Variants in NOX4 observed in about 807,000 individuals in gnomAD.
NOX4 encodes kidney oxidase-1.
In NOX4, 69 loss-of-function variants were observed where a neutral mutation model predicts 87.6. The ratio of observed to expected loss-of-function variants is 0.79; its 90% CI spans 0.65 to 0.96. NOX4 has a LOEUF of 0.96. NOX4 is among the 40% of genes least tolerant of loss of function. The pLI is 0.00. For synonymous variants in NOX4, 275 were observed against 238.2 expected, an observed-to-expected ratio of 1.15 and a Z score of -1.42; for missense variants, 680 against 681.5, an observed-to-expected ratio of 1.00 and a Z score of 0.02.
the NOX4 span, among the ~76,000 whole-genome samples, chr11:89,569,033 A>T: frequency 6.6e-6 from 1 of 152,204 alleles, no homozygotes; most frequent in Non-Finnish European, 1.5e-5. Context: ...AGACTTAATG[A>T]GTTAAATGAA....
chr11:89,471,726 TTTTGTTTGTTTG>T (rs201346245), intron 2 of NOX4, among the ~76,000 whole-genome samples: 2 of 152,014 alleles, frequency 1.3e-5, no homozygotes, highest in African/African-American at 2.4e-5. Context: ...TTTTGATTGT[TTTTGTTTGTTTG>T]TTTGTTTGTT....
intron 2 of NOX4, among the ~76,000 whole-genome samples, chr11:89,482,670 G>A (rs1447984203): frequency 6.6e-6 from 1 of 151,972 alleles, no homozygotes; most frequent in Non-Finnish European, 1.5e-5. Flanking sequence ...GGCAGCCCTA[G>A]CAAACTAACA....
At chr11:89,391,739 C>CA (rs11419337) in intron 11 of NOX4, among the ~76,000 whole-genome samples, 47,830 of 96,820 alleles carry the variant, frequency 0.49, 10,389 homozygotes, top group African/African-American at 0.59. Flanking sequence ...GACCTTGTCT[C>CA]AAAAAAAAAA....
At chr11:89,480,738 C>T (rs1946361754) in intron 2 of NOX4, among the ~76,000 whole-genome samples, 1 of 152,000 alleles carries the variant, frequency 6.6e-6, no homozygotes, top group African/African-American at 2.4e-5. Flanking sequence ...GGCACAATGT[C>T]AGGCCCATGA....
Position 89,325,115 on chromosome 11 carries a change from C to CTTTTTTTTTTTTTTTTTTTTTTTT in NOX4, c.*1617_*1640dup, listed in dbSNP as rs141198784. The CTTTTTTTTTTTTTTTTTTTTTTTT allele has an allele frequency of 3.9e-5, 3 of 76,332 alleles. 1 individual carries two copies. Among genetic ancestry groups the CTTTTTTTTTTTTTTTTTTTTTTTT allele is most frequent in the African/African-American group, 1.7e-4 (3 of 17,702 alleles). The allele number at this position is 76,332 out of a possible 1,614,324, so 4.7% of individuals were successfully genotyped here. On this transcript the variant is annotated 3_prime_UTR_variant, in exon 18 of 18. Coordinates refer to ENST00000263317, the MANE Select transcript of NOX4 (RefSeq NM_016931.5). ...ACTAAACTGTATGAATGCTTTAATT[C>CTTTTTTTTTTTTTTTTTTTTTTTT]TTTTTTTTTTTTTTTTTTTTTTTTT...
Position 89,490,506 on chromosome 11 carries a change from CAAG to C in NOX4, c.102_104del (p.Phe34del). 1 of 1,614,014 alleles carries C rather than the reference CAAG, an allele frequency of 6.2e-7. No individual in the cohort carries two copies. The highest frequency in any genetic ancestry group is 1.3e-5 in the African/African-American group (1 of 75,004). On this transcript the variant is annotated inframe_deletion, in exon 2 of 18. Transcript: ENST00000263317. The stretch of plus-strand genomic sequence containing the variant: ...GATACTCTGGCCCTTGGTTATACAG[CAAG>C]AAGGTTTTCCAGAAAAGCAGGACAT...
intron 8 of NOX4, among the ~76,000 whole-genome samples, chr11:89,414,616 T>TAAA (rs1942663116): frequency 7.2e-6 from 1 of 138,292 alleles, no homozygotes; most frequent in African/African-American, 2.8e-5. Flanking sequence ...ATCACATTTT[T>TAAA]TTTATTTTAT....
chr11:89,465,021 G>C (rs1205971391), intron 2 of NOX4, among the ~76,000 whole-genome samples: 1 of 152,022 alleles, frequency 6.6e-6, no homozygotes, highest in African/African-American at 2.4e-5. Context: ...TTAAGTTCTG[G>C]GCTACATGTG....
chr11:89,584,009 C>T, the NOX4 span, among the ~76,000 whole-genome samples: 1 of 151,990 alleles, frequency 6.6e-6, no homozygotes, highest in Admixed American at 6.6e-5. Flanking sequence ...GAAAAATTAC[C>T]TGACTTTCAC....
At chr11:89,345,315 G>T (rs2134929279) in intron 13 of NOX4, among the ~76,000 whole-genome samples, 1 of 152,276 alleles carries the variant, frequency 6.6e-6, no homozygotes, top group East Asian at 1.9e-4. Context: ...TTTACAGAGG[G>T]TCCCCAACTT....
At chr11:89,437,888 T>C (rs1373265240) in intron 6 of NOX4, among the ~76,000 whole-genome samples, 5 of 152,090 alleles carry the variant, frequency 3.3e-5, no homozygotes, top group Non-Finnish European at 7.4e-5. Context: ...TCACATACTT[T>C]AAATTATCTC....
chr11:89,566,058 T>G, the NOX4 span, among the ~76,000 whole-genome samples: 3 of 151,000 alleles, frequency 2.0e-5, no homozygotes, highest in South Asian at 6.3e-4. Context: ...TTTTTTTTTT[T>G]TTGAGACAGA....
chr11:89,473,099 T>G, intron 2 of NOX4, among the ~76,000 whole-genome samples: 1 of 152,216 alleles, frequency 6.6e-6, no homozygotes, highest in East Asian at 1.9e-4. Flanking sequence ...TCCCTTATTC[T>G]AGACATCTTT....
rs1246997910 is a variant in NOX4 at position 89,397,637 on chromosome 11, C to T, written c.1074+2380G>A. ...AATAAAAATAATAAAAGGGATATGA[C>T]CACTGATCCCACAGAAATACAAACT... is the stretch of plus-strand genomic sequence containing the variant. On this transcript the variant is annotated intron_variant, in intron 11 of 17. Coordinates refer to ENST00000263317, the MANE Select transcript of NOX4 (RefSeq NM_016931.5). 3.5e-4 allele frequency among the ~76,000 whole-genome samples: 53 copies of T among 151,900 alleles called. 1 individual carries two copies. Among genetic ancestry groups the T allele is most frequent in the Non-Finnish European group, 1.9e-4 (13 of 67,956 alleles).
At chr11:89,336,009 T>C in intron 16 of NOX4, 64 bp from the exon 17 acceptor site, 1 of 1,000,744 alleles carries the variant, frequency 1.0e-6, no homozygotes. Context: ...TCTAACATCA[T>C]TTCTGCTGGT....
intron 6 of NOX4, among the ~76,000 whole-genome samples, chr11:89,434,481 C>A (rs1191536949): frequency 6.6e-6 from 1 of 151,934 alleles, no homozygotes; most frequent in Non-Finnish European, 1.5e-5. Context: ...TGAGTGCTTA[C>A]TTCCCAGTTG....
chr11:89,415,517 C>A (rs1294586426), intron 8 of NOX4, among the ~76,000 whole-genome samples: 3 of 152,054 alleles, frequency 2.0e-5, no homozygotes, highest in African/African-American at 7.2e-5. Context: ...TTTGACCACA[C>A]AAACTTTACG....
chr11:89,417,945 C>T (rs1217506817), intron 8 of NOX4, among the ~76,000 whole-genome samples: 1 of 151,960 alleles, frequency 6.6e-6, no homozygotes, highest in Non-Finnish European at 1.5e-5. Context: ...ATACTAACAT[C>T]TTGGAGAAGA....
intron 17 of NOX4, among the ~76,000 whole-genome samples, chr11:89,329,053 C>G (rs1945340646): frequency 6.6e-6 from 1 of 151,662 alleles, no homozygotes. Flanking sequence ...CCCTAGCAAA[C>G]TAATACAAGG....
Sources: gnomAD v4.1 joint callset for allele counts (sites outside exome capture counted in the v4.1 genomes callset) on GRCh38, gnomAD v4.1.1 for gene constraint, MANE v1.5 for transcripts, NCBI Gene and HGNC (gene_info 2026-07-23, HGNC 2026-07-21) for gene names.